OSBP2: variants seen among roughly 807,000 people sequenced by gnomAD.
OSBP2 encodes oxysterol-binding protein 2.
OSBP2 carries 66 observed loss-of-function variants against 96.0 expected under a neutral mutation model. That is an observed-to-expected ratio of 0.69 (90% CI 0.56 to 0.84). The LOEUF is 0.84. OSBP2 is among the 40% of genes least tolerant of loss of function. The pLI is 0.00. For missense variants in OSBP2, 1,038 were observed against 1,222.7 expected, an observed-to-expected ratio of 0.85 and a Z score of 2.25; for synonymous variants, 525 against 520.9, an observed-to-expected ratio of 1.01 and a Z score of -0.11.
chr22:30,898,188 T>A (rs941302573), intron 12 of OSBP2, among the ~76,000 whole-genome samples: 25 of 150,328 alleles, frequency 1.7e-4, no homozygotes, highest in Admixed American at 5.3e-4. Flanking sequence ...CAAAAAAAAA[T>A]TTTTTTTTTC....
intron 2 of OSBP2, among the ~76,000 whole-genome samples, chr22:30,765,888 G>T (rs1283132708): frequency 1.3e-5 from 2 of 152,080 alleles, no homozygotes; most frequent in African/African-American, 4.8e-5. Flanking sequence ...TCTCTTCATG[G>T]TTCTCACCCC....
Position 30,801,631 on chromosome 22 carries a change from C to G in OSBP2, c.853+60262C>G, listed in dbSNP as rs548391440. On this transcript the variant is annotated intron_variant, in intron 2 of 13. Coordinates refer to ENST00000332585, the MANE Select transcript of OSBP2 (RefSeq NM_030758.4). ...CACCAAATGGTAAAAATCAAGGTGT[C>G]TTTGGATTTGAATTAATGTGGCATT... Among the ~76,000 whole-genome samples the G allele has an allele frequency of 3.6e-4, 55 of 152,306 alleles. No individual in the cohort carries two copies. In the South Asian group the frequency reaches 0.011, roughly 32 times the overall value.
chr22:30,762,474 A>G (rs2090218600), intron 2 of OSBP2, among the ~76,000 whole-genome samples: 1 of 151,966 alleles, frequency 6.6e-6, no homozygotes, highest in Non-Finnish European at 1.5e-5. Context: ...CCCAGGAGGC[A>G]GAGCTTGCAG....
At chr22:30,802,209 AC>A (rs554959310) in intron 2 of OSBP2, among the ~76,000 whole-genome samples, 1 of 151,086 alleles carries the variant, frequency 6.6e-6, no homozygotes, top group African/African-American at 2.4e-5. Context: ...AGAATCAATG[AC>A]CCCCCAGGGA....
chr22:30,705,151 C>T (rs1348830650), intron 1 of OSBP2, among the ~76,000 whole-genome samples: 1 of 152,134 alleles, frequency 6.6e-6, no homozygotes, highest in Non-Finnish European at 1.5e-5. Flanking sequence ...CTCTCCTGGC[C>T]CTGTGATTGG....
intron 2 of OSBP2, among the ~76,000 whole-genome samples, chr22:30,858,400 C>T (rs192386836): frequency 0.01 from 1,529 of 151,572 alleles, 27 homozygotes; most frequent in African/African-American, 0.036. Context: ...CCCACCTCGG[C>T]CTCCCAAAGT....
chr22:30,889,699 G>T (rs2039900901), intron 7 of OSBP2, 63 bp downstream of exon 7: 2 of 1,483,568 alleles, frequency 1.3e-6, no homozygotes, highest in Non-Finnish European at 1.9e-6. Context: ...GTGCGTGGAT[G>T]AGCAGTAATG....
chr22:30,902,128 AAAAAAAAAAACC>A (rs1410717465), intron 12 of OSBP2: 23,741 of 176,866 alleles, frequency 0.13, 694 homozygotes, highest in African/African-American at 0.3. Context: ...AAAAAAACGA[AAAAAAAAAAACC>A]AAAAAAAAAA....
chr22:30,764,319 C>T (rs1021128204), intron 2 of OSBP2: 1 of 985,162 alleles, frequency 1.0e-6, no homozygotes, highest in Non-Finnish European at 1.2e-6. Flanking sequence ...TGGCTGGTGG[C>T]CCTAGAGGCT....
chr22:30,845,655 G>C (rs2038853536), intron 2 of OSBP2, among the ~76,000 whole-genome samples: 1 of 151,740 alleles, frequency 6.6e-6, no homozygotes. Context: ...AGGCCGAGGT[G>C]AGCAGATCAT....
chr22:30,703,769 C>T (rs564053136), intron 1 of OSBP2, among the ~76,000 whole-genome samples: 3 of 152,298 alleles, frequency 2.0e-5, no homozygotes, highest in African/African-American at 7.2e-5. Flanking sequence ...AGCCATCGTG[C>T]CTGGCCTGGC....
chr22:30,716,525 C>A (rs987033386), intron 1 of OSBP2, among the ~76,000 whole-genome samples: 8 of 151,946 alleles, frequency 5.3e-5, no homozygotes, highest in African/African-American at 1.9e-4. Flanking sequence ...GCAACCTCCG[C>A]CTCCCAGGTT....
chr22:30,727,839 T>C (rs136368), intron 1 of OSBP2, among the ~76,000 whole-genome samples: 2 of 152,132 alleles, frequency 1.3e-5, no homozygotes, highest in Non-Finnish European at 2.9e-5. Context: ...GGGCGCAGTG[T>C]CTCACACCTG....
chr22:30,807,435 C>T (rs1317814326), intron 2 of OSBP2, among the ~76,000 whole-genome samples: 2 of 152,236 alleles, frequency 1.3e-5, no homozygotes, highest in South Asian at 2.1e-4. Flanking sequence ...CCCCTATATG[C>T]GCAAGCAGAT....
In OSBP2 at chr22:30,890,662, AAAGC is replaced by A. The variant is rs1602424317; in HGVS notation, c.1624-62_1624-59del. 5.1e-6 allele frequency: 8 copies of A among 1,582,062 alleles called. No individual in the cohort carries two copies. In the East Asian group the frequency reaches 1.1e-4, roughly 22 times the overall value. ...CAGGGATGTCCCTGAACATCCGAGA[AAAGC>A]AAGGGCACCATGCCAAGCCGGGGCT... On this transcript the variant is annotated intron_variant, in intron 7 of 13. Coordinates refer to ENST00000332585, the MANE Select transcript of OSBP2 (RefSeq NM_030758.4). The surrounding 1 kb of genome is among the most constrained non-coding windows in gnomAD (Gnocchi z 4.4).
In OSBP2 at chr22:30,849,655, T is replaced by C. The variant is rs533068118; in HGVS notation, c.854-20774T>C. ...GAATACAAGTTGTCACGAACATATA[T>C]TGGGAAAAACTTCTCCTGTGGTTTA... On this transcript the variant is annotated intron_variant, in intron 2 of 13. Coordinates refer to ENST00000332585, the MANE Select transcript of OSBP2 (RefSeq NM_030758.4). 9.3e-4 allele frequency among the ~76,000 whole-genome samples: 142 copies of C among 152,348 alleles called. 3 individuals carry two copies. In the South Asian group the frequency reaches 0.017, roughly 18 times the overall value.
chr22:30,868,421 A>G (rs1042186342), intron 2 of OSBP2, among the ~76,000 whole-genome samples: 2 of 152,258 alleles, frequency 1.3e-5, no homozygotes, highest in African/African-American at 4.8e-5. Context: ...TGTGGCCTCC[A>G]GACGTCTGGG....
chr22:30,796,287 C>G (rs1389495885), intron 2 of OSBP2, among the ~76,000 whole-genome samples: 1 of 151,980 alleles, frequency 6.6e-6, no homozygotes, highest in Admixed American at 6.6e-5. Flanking sequence ...CCTTGGTTAA[C>G]CAAGGACACA....
At chr22:30,770,286 G>GAC (rs911822087) in intron 2 of OSBP2, among the ~76,000 whole-genome samples, 1 of 151,848 alleles carries the variant, frequency 6.6e-6, no homozygotes, top group African/African-American at 2.4e-5. Context: ...TTTTAGTAGA[G>GAC]ACAGGGTTCA....
Sources: gnomAD v4.1 joint callset for allele counts (sites outside exome capture counted in the v4.1 genomes callset) on GRCh38, gnomAD v4.1.1 for gene constraint, Gnocchi (gnomAD v3.1) non-coding constraint, MANE v1.5 for transcripts, NCBI Gene and HGNC (gene_info 2026-07-23, HGNC 2026-07-21) for gene names.